Variants in KCNH7 observed in about 807,000 individuals in gnomAD.
KCNH7 encodes voltage-gated inwardly rectifying potassium channel KCNH7.
Under a neutral mutation model 120.8 loss-of-function variants are expected in KCNH7, and 49 were observed. The ratio of observed to expected loss-of-function variants is 0.41; its 90% confidence interval spans 0.32 to 0.51. The LOEUF (loss-of-function observed/expected upper bound fraction) is 0.51, where lower values mean the gene tolerates loss of function less well. KCNH7 is among the 20% of genes least tolerant of loss of function. KCNH7 has a pLI of 0.38. For missense variants in KCNH7, 1,097 were observed against 1,446.6 expected (o/e 0.76, Z 3.92); for synonymous variants, 547 against 516.1 (o/e 1.06, Z -0.81).
chr2:162,714,389 A>G (rs1465059400), intron 2 of KCNH7, among the ~76,000 whole-genome samples: 2 of 152,160 alleles, frequency 1.3e-5, no homozygotes, highest in Non-Finnish European at 2.9e-5. Context: ...TATTAAAACA[A>G]AAGAGCCGTG....
intron 2 of KCNH7, among the ~76,000 whole-genome samples, chr2:162,640,166 C>A (rs1342325720): frequency 6.6e-6 from 1 of 152,054 alleles, no homozygotes; most frequent in Admixed American, 6.6e-5. Context: ...AAGATCCCAG[C>A]AAAATATTTT....
intron 14 of KCNH7, among the ~76,000 whole-genome samples, chr2:162,378,025 G>A (rs1411964254): frequency 6.6e-6 from 1 of 152,128 alleles, no homozygotes; most frequent in South Asian, 2.1e-4. Flanking sequence ...GAGCAACCAG[G>A]TGATGCTAAA....
intron 3 of KCNH7, among the ~76,000 whole-genome samples, chr2:162,523,867 A>T (rs552598311): frequency 6.6e-5 from 10 of 152,060 alleles, no homozygotes; most frequent in South Asian, 2.1e-4. Context: ...ACCCAATTAA[A>T]TATAATTAGA....
In KCNH7 at chr2:162,530,472, GCACA is replaced by G. The variant is rs111443301; in HGVS notation, c.463+6449_463+6452del. On this transcript the variant is annotated intron_variant, in intron 3 of 15. Coordinates refer to ENST00000332142, the MANE Select transcript of KCNH7 (RefSeq NM_033272.4). ...CACGCTAGTGTGCGCGAGCGTGCGC[GCACA>G]CACACACACACACACACAATTACAA... is the stretch of plus-strand genomic sequence containing the variant. Among the ~76,000 whole-genome samples the G allele has an allele frequency of 1.1e-3, 163 of 149,752 alleles. 3 individuals carry two copies. Among genetic ancestry groups the G allele is most frequent in the South Asian group, 6.3e-3 (30 of 4,734 alleles).
chr2:162,538,644 CT>C (rs1225691449), intron 2 of KCNH7, among the ~76,000 whole-genome samples: 2 of 152,048 alleles, frequency 1.3e-5, no homozygotes, highest in East Asian at 3.9e-4. Flanking sequence ...AAACTCTTTC[CT>C]TTCTTCTTAT....
chr2:162,507,774 G>A (rs1690934364), intron 5 of KCNH7, among the ~76,000 whole-genome samples: 1 of 151,040 alleles, frequency 6.6e-6, no homozygotes, highest in Admixed American at 6.6e-5. Context: ...AGTTTATATT[G>A]GTATATTAAT....
chr2:162,547,821 C>G (rs763572775), intron 2 of KCNH7, among the ~76,000 whole-genome samples: 1 of 152,116 alleles, frequency 6.6e-6, no homozygotes, highest in Non-Finnish European at 1.5e-5. Context: ...TCAGGATTCT[C>G]TACTGCAGCC....
At chr2:162,722,597 A>G (rs1374580232) in intron 2 of KCNH7, among the ~76,000 whole-genome samples, 1 of 151,990 alleles carries the variant, frequency 6.6e-6, no homozygotes, top group Non-Finnish European at 1.5e-5. Context: ...GGTTCATCTT[A>G]CTTGTGATCT....
chr2:162,709,498 T>A (rs1046803489), intron 2 of KCNH7, among the ~76,000 whole-genome samples: 1 of 152,074 alleles, frequency 6.6e-6, no homozygotes, highest in African/African-American at 2.4e-5. Context: ...AAGGCAGAAG[T>A]TCTTAATTGC....
intron 9 of KCNH7, among the ~76,000 whole-genome samples, chr2:162,404,228 A>G (rs1307979600): frequency 6.6e-6 from 1 of 151,898 alleles, no homozygotes; most frequent in South Asian, 2.1e-4. Context: ...TCCATGCTTG[A>G]AGTTTTGAAG....
intron 2 of KCNH7, among the ~76,000 whole-genome samples, chr2:162,722,813 C>CTTTCTTTTTT (rs1220971256): frequency 1.2e-5 from 1 of 85,112 alleles, no homozygotes; most frequent in African/African-American, 6.1e-5. Context: ...TTCTTTTTTT[C>CTTTCTTTTTT]TTTTTTTTTT....
At chr2:162,568,000 T>A (rs1241119375) in intron 2 of KCNH7, among the ~76,000 whole-genome samples, 3 of 152,048 alleles carry the variant, frequency 2.0e-5, no homozygotes, top group Non-Finnish European at 4.4e-5. Context: ...TACCTGAGCC[T>A]GGGTAATTTA....
chr2:162,381,934 TC>T (rs1376526448), intron 13 of KCNH7, among the ~76,000 whole-genome samples: 1 of 152,082 alleles, frequency 6.6e-6, no homozygotes, highest in Non-Finnish European at 1.5e-5. Context: ...TAAGCAAACT[TC>T]CGGAATACCT....
intron 2 of KCNH7, among the ~76,000 whole-genome samples, chr2:162,699,158 A>G (rs1026222160): frequency 1.3e-5 from 2 of 152,044 alleles, no homozygotes; most frequent in African/African-American, 4.8e-5. Context: ...CATGTTGTAC[A>G]GTAGATCTCT....
chr2:162,538,684 T>C (rs957255016), intron 2 of KCNH7, among the ~76,000 whole-genome samples: 2 of 152,060 alleles, frequency 1.3e-5, no homozygotes. Context: ...CTGCTAGAGC[T>C]GAGAACAAAA....
chr2:162,685,418 GA>G (rs760279776), intron 2 of KCNH7, among the ~76,000 whole-genome samples: 5 of 152,042 alleles, frequency 3.3e-5, no homozygotes, highest in Non-Finnish European at 7.4e-5. Context: ...TGTACAATTA[GA>G]ACATTGGTAT....
chr2:162,480,603 A>T (rs999377837), intron 6 of KCNH7, among the ~76,000 whole-genome samples: 1 of 152,166 alleles, frequency 6.6e-6, no homozygotes, highest in African/African-American at 2.4e-5. Flanking sequence ...AGCTTTTTAC[A>T]TGAGATACTC....
chr2:162,562,765 T>C (rs1481155676), intron 2 of KCNH7, among the ~76,000 whole-genome samples: 1 of 152,176 alleles, frequency 6.6e-6, no homozygotes, highest in East Asian at 1.9e-4. Context: ...TGTCTGTTAC[T>C]TTCTTTGTCT....
At position 162,487,845 on chromosome 2, in the gene KCNH7, C is replaced by T. The variant is rs1280023431; in HGVS notation, c.1128+16598G>A. 2.6e-5 allele frequency among the ~76,000 whole-genome samples: 4 copies of T among 152,166 alleles called. No individual in the cohort carries two copies. The East Asian group carries it at 7.7e-4, about 29-fold the overall frequency. On this transcript the variant is annotated intron_variant, in intron 6 of 15. Transcript: ENST00000332142. ...ATTCACTTCCTAACTCAGGGAATAG[C>T]TGTAGTCAATGAAGCTTACAAGGCC... is the stretch of plus-strand genomic sequence containing the variant.
Sources: gnomAD v4.1 joint callset for allele counts (sites outside exome capture counted in the v4.1 genomes callset) on GRCh38, gnomAD v4.1.1 for gene constraint, MANE v1.5 for transcripts, NCBI Gene and HGNC (gene_info 2026-07-23, HGNC 2026-07-21) for gene names.